The following TLN2 variants were observed in gnomAD, a reference collection of about 807,000 sequenced individuals.
TLN2 encodes talin-2.
TLN2 carries 118 observed loss-of-function variants against 294.7 expected under a neutral mutation model. That is an observed-to-expected ratio of 0.40 (90% CI 0.34 to 0.47). TLN2 has a LOEUF of 0.47. Among genes scored for constraint, TLN2 ranks in the 20% least tolerant of loss-of-function variants. The pLI is 0.84. For synonymous variants in TLN2, 1,431 were observed against 1,304.5 expected (o/e 1.10, Z -2.09); for missense variants, 3,083 against 3,282.2 (o/e 0.94, Z 1.48).
At chr15:62,631,372 C>T (rs1019074007) in intron 3 of TLN2, among the ~76,000 whole-genome samples, 2 of 152,190 alleles carry the variant, frequency 1.3e-5, no homozygotes, top group Non-Finnish European at 2.9e-5. Context: ...GATGCCTTCT[C>T]TTCTCTAGCA....
At chr15:62,470,282 T>G (rs908952131) in intron 1 of TLN2, among the ~76,000 whole-genome samples, 1 of 152,156 alleles carries the variant, frequency 6.6e-6, no homozygotes, top group Non-Finnish European at 1.5e-5. Context: ...CTCTTTGATG[T>G]TTAACCCAGA....
intron 3 of TLN2, among the ~76,000 whole-genome samples, chr15:62,635,999 T>G (rs2050343207): frequency 6.6e-6 from 1 of 152,162 alleles, no homozygotes; most frequent in Admixed American, 6.5e-5. Flanking sequence ...TTGGGCGAAG[T>G]CTAAACCTCT....
intron 2 of TLN2, among the ~76,000 whole-genome samples, chr15:62,605,681 G>A (rs2047375761): frequency 6.6e-6 from 1 of 152,158 alleles, no homozygotes; most frequent in South Asian, 2.1e-4. Flanking sequence ...GTGGATAACC[G>A]TGTGCTCTGC....
intron 42 of TLN2, among the ~76,000 whole-genome samples, chr15:62,772,185 G>A (rs1044347333): frequency 2.0e-5 from 3 of 151,930 alleles, no homozygotes; most frequent in Non-Finnish European, 2.9e-5. Context: ...TCAAACTCCC[G>A]GCCTCGAGCA....
chr15:62,651,197 T>G (rs1827981036), intron 5 of TLN2, among the ~76,000 whole-genome samples: 1 of 152,208 alleles, frequency 6.6e-6, no homozygotes, highest in Admixed American at 6.5e-5. Flanking sequence ...CTAATTCTCC[T>G]TAGAGCAGAT....
intron 50 of TLN2, among the ~76,000 whole-genome samples, chr15:62,802,406 A>G (rs971727148): frequency 2.7e-5 from 3 of 112,226 alleles, no homozygotes; most frequent in Non-Finnish European, 3.6e-5. Context: ...ACACATATAC[A>G]ATGGTACACA....
intron 2 of TLN2, among the ~76,000 whole-genome samples, chr15:62,612,287 C>A (rs1284109690): frequency 6.6e-6 from 1 of 152,144 alleles, no homozygotes; most frequent in African/African-American, 2.4e-5. Context: ...ATCCTTTCTT[C>A]TTTTTTGATT....
intron 1 of TLN2, among the ~76,000 whole-genome samples, chr15:62,472,271 A>G (rs2037523426): frequency 6.6e-6 from 1 of 152,162 alleles, no homozygotes; most frequent in African/African-American, 2.4e-5. Context: ...CCCCAAACCC[A>G]GATCACATGC....
At chr15:62,774,230 A>C (rs1332094067) in intron 42 of TLN2, among the ~76,000 whole-genome samples, 1 of 152,042 alleles carries the variant, frequency 6.6e-6, no homozygotes, top group East Asian at 1.9e-4. Flanking sequence ...TGGGCTTTGT[A>C]TTTGAAGTGC....
chr15:62,825,030 C>T lies in TLN2; in HGVS notation c.7002+4420C>T, dbSNP rs74474315. On this transcript the variant is annotated intron_variant, in intron 54 of 58. Coordinates refer to ENST00000636159, the MANE Select transcript of TLN2 (RefSeq NM_015059.3). ...GAATGCATAGTGACAGGGTCACCAACAGCAACATCAGAGAGGTGATGACAC... is the reference window on the plus strand; with the variant it reads ...GAATGCATAGTGACAGGGTCACCAATAGCAACATCAGAGAGGTGATGACAC... Among the ~76,000 whole-genome samples, 639 of 152,290 alleles carry T rather than the reference C, an allele frequency of 4.2e-3. 2 individuals are homozygous for T. The highest frequency in any genetic ancestry group is 0.02 in the Middle Eastern group (6 of 294).
intron 1 of TLN2, among the ~76,000 whole-genome samples, chr15:62,524,898 G>A (rs1285499047): frequency 2.6e-5 from 4 of 152,142 alleles, no homozygotes. Context: ...AGTTGGAAAC[G>A]ATTTTCCTTC....
At chr15:62,734,445 A>G (rs1310664934) in intron 28 of TLN2, among the ~76,000 whole-genome samples, 2 of 152,184 alleles carry the variant, frequency 1.3e-5, no homozygotes, top group South Asian at 2.1e-4. Context: ...AGACCACACA[A>G]CTAATCAGCA....
intron 11 of TLN2, chr15:62,682,811 C>G (rs1407049693): frequency 6.6e-6 from 1 of 152,082 alleles, no homozygotes; most frequent in African/African-American, 2.4e-5. Context: ...TCACGTGTAA[C>G]CCTTCTCACT....
intron 1 of TLN2, among the ~76,000 whole-genome samples, chr15:62,425,062 C>T (rs2034630152): frequency 1.3e-5 from 2 of 149,850 alleles, no homozygotes; most frequent in Non-Finnish European, 3.0e-5. Flanking sequence ...AAGTGATTCT[C>T]CTGCCTCAGC....
At chr15:62,785,353 A>G (rs1412595085) in intron 45 of TLN2, among the ~76,000 whole-genome samples, 1 of 152,236 alleles carries the variant, frequency 6.6e-6, no homozygotes, top group African/African-American at 2.4e-5. Context: ...TGTTACAGTA[A>G]GGAAAAGTTT....
At chr15:62,640,141 G>C (rs892223642) in intron 3 of TLN2, 6 of 455,082 alleles carry the variant, frequency 1.3e-5, no homozygotes, top group African/African-American at 1.2e-4. Context: ...CTGTGACCCA[G>C]TGCATGGTGG....
Position 62,789,167 on chromosome 15 carries a change from A to G in TLN2, c.5737-3474A>G, listed in dbSNP as rs533507008. Among the ~76,000 whole-genome samples the G allele has an allele frequency of 2.0e-5, 3 of 152,250 alleles. No homozygotes were observed. The East Asian group carries it at 5.8e-4, about 29-fold the overall frequency. On this transcript the variant is annotated intron_variant, in intron 45 of 58. Coordinates refer to ENST00000636159, the MANE Select transcript of TLN2 (RefSeq NM_015059.3). ...CTGCATCCCTTCCGTGTGCTGTCCA[A>G]ATAGGATTGTGCAGACACACATGCA...
rs148042639 is a variant in TLN2, at chr15:62,587,251, G to A, written c.-237-2436G>A. ...GAGAAGGAGAGTGGACATTGATATC[G>A]TGTATTCCTTAACTTCAACACGAGA... is the stretch of plus-strand genomic sequence containing the variant. On this transcript the variant is annotated intron_variant, in intron 1 of 58. Transcript: ENST00000636159. Among the ~76,000 whole-genome samples the A allele has an allele frequency of 5.2e-3, 795 of 152,316 alleles. 2 individuals carry two copies. Among genetic ancestry groups the A allele is most frequent in the African/African-American group, 0.016 (646 of 41,566 alleles).
intron 44 of TLN2, among the ~76,000 whole-genome samples, 191 bp from the exon 45 acceptor site, chr15:62,783,580 A>G (rs1235322235): frequency 6.6e-6 from 1 of 152,216 alleles, no homozygotes; most frequent in Non-Finnish European, 1.5e-5. Flanking sequence ...TGTGCAATGC[A>G]GCATGGGCTT....
Sources: allele counts gnomAD v4.1 joint callset (sites outside exome capture counted in the v4.1 genomes callset), GRCh38; gene constraint gnomAD v4.1.1; transcripts MANE v1.5; gene names NCBI Gene and HGNC (gene_info 2026-07-23, HGNC 2026-07-21).